CRYBG1: variants seen among roughly 807,000 people sequenced by gnomAD.
CRYBG1 encodes the protein beta/gamma crystallin domain-containing protein 1.
CRYBG1 carries 139 observed loss-of-function variants against 189.2 expected under a neutral mutation model. The observed-to-expected ratio is 0.73, with a 90% CI of 0.64 to 0.85. The LOEUF is 0.85. CRYBG1 is among the 40% of genes least tolerant of loss of function. The pLI is 0.00. For missense variants in CRYBG1, 2,611 were observed against 2,675.8 expected (o/e 0.98, Z 0.53); for synonymous variants, 1,023 against 1,017.1 (o/e 1.01, Z -0.11).
chr6:106,368,849 T>A (rs1017160858), intron 1 of CRYBG1, among the ~76,000 whole-genome samples: 3 of 152,118 alleles, frequency 2.0e-5, no homozygotes, highest in African/African-American at 7.2e-5. Context: ...CCATAATTAG[T>A]ACCTCACCTA....
chr6:106,458,313 C>T (rs1046741636), intron 2 of CRYBG1, among the ~76,000 whole-genome samples: 3 of 152,198 alleles, frequency 2.0e-5, no homozygotes, highest in African/African-American at 7.2e-5. Flanking sequence ...AGACTCTTTC[C>T]CATGCCTACA....
intron 1 of CRYBG1, among the ~76,000 whole-genome samples, chr6:106,434,152 AAGAGAGAG>A (rs35292541): frequency 6.7e-6 from 1 of 148,718 alleles, no homozygotes; most frequent in Admixed American, 6.7e-5. Flanking sequence ...ATCAGAGAGA[AAGAGAGAG>A]AGAGAGAGAG....
At chr6:106,505,062 G>A (rs1461710383) in intron 2 of CRYBG1, among the ~76,000 whole-genome samples, 1 of 150,594 alleles carries the variant, frequency 6.6e-6, no homozygotes, top group Non-Finnish European at 1.5e-5. Flanking sequence ...TGATCCTCCG[G>A]CACAGGACAA....
chr6:106,429,055 CT>C (rs1435616385), intron 1 of CRYBG1, among the ~76,000 whole-genome samples: 1 of 152,208 alleles, frequency 6.6e-6, no homozygotes, highest in African/African-American at 2.4e-5. Context: ...GTGTTTTAGA[CT>C]CCTTGAAATG....
intron 2 of CRYBG1, among the ~76,000 whole-genome samples, chr6:106,497,875 A>G (rs539146101): frequency 1.3e-5 from 2 of 152,266 alleles, no homozygotes; most frequent in East Asian, 3.9e-4. Flanking sequence ...CAGATTGCCT[A>G]AGCTCAGGAG....
At chr6:106,516,477 A>T (rs1327524571) in intron 3 of CRYBG1, among the ~76,000 whole-genome samples, 2 of 151,998 alleles carry the variant, frequency 1.3e-5, no homozygotes, top group Admixed American at 6.5e-5. Flanking sequence ...GAAGTGATCC[A>T]CCCGCTTTGG....
intron 1 of CRYBG1, among the ~76,000 whole-genome samples, chr6:106,445,831 G>T (rs1771653924): frequency 6.6e-6 from 1 of 152,184 alleles, no homozygotes; most frequent in Admixed American, 6.5e-5. Flanking sequence ...AGACAACACT[G>T]CTTCTGAAGG....
At chr6:106,367,358 G>A (rs1401113479) in intron 1 of CRYBG1, among the ~76,000 whole-genome samples, 1 of 151,522 alleles carries the variant, frequency 6.6e-6, no homozygotes, top group Non-Finnish European at 1.5e-5. Flanking sequence ...GGAGGCCAAA[G>A]TGGGCGGATC....
At chr6:106,424,240 C>G (rs899891884) in intron 1 of CRYBG1, among the ~76,000 whole-genome samples, 17 of 151,744 alleles carry the variant, frequency 1.1e-4, no homozygotes, top group Non-Finnish European at 2.2e-4. Context: ...ATTTTTTTCT[C>G]CTATTTGGCA....
chr6:106,541,756 T>C (rs562240558), intron 10 of CRYBG1, 135 bp downstream of exon 10: 5 of 689,918 alleles, frequency 7.2e-6, no homozygotes, highest in South Asian at 5.8e-5. Flanking sequence ...ATTAAACCTC[T>C]GTCACACATA....
At chr6:106,528,886 GTTT>G (rs1230520452) in intron 7 of CRYBG1, among the ~76,000 whole-genome samples, 1 of 150,546 alleles carries the variant, frequency 6.6e-6, no homozygotes, top group Non-Finnish European at 1.5e-5. Context: ...GTTGTTTCTA[GTTT>G]TTTACTATTA....
At chr6:106,515,256 T>C (rs1008734822) in intron 3 of CRYBG1, among the ~76,000 whole-genome samples, 2 of 152,264 alleles carry the variant, frequency 1.3e-5, no homozygotes, top group East Asian at 1.9e-4. Context: ...TGTCTCATAA[T>C]GAAGGCATTA....
At chr6:106,421,208 G>A (rs1046925524) in intron 1 of CRYBG1, among the ~76,000 whole-genome samples, 1 of 152,150 alleles carries the variant, frequency 6.6e-6, no homozygotes, top group Non-Finnish European at 1.5e-5. Flanking sequence ...TAAGATCCTG[G>A]ATTTAAGAGG....
intron 2 of CRYBG1, among the ~76,000 whole-genome samples, chr6:106,479,105 T>G (rs1454424266): frequency 6.6e-6 from 1 of 152,244 alleles, no homozygotes; most frequent in African/African-American, 2.4e-5. Flanking sequence ...CACCTTTTAT[T>G]CATTAGTTGA....
intron 3 of CRYBG1, among the ~76,000 whole-genome samples, chr6:106,513,818 C>T (rs576845059): frequency 6.6e-6 from 1 of 152,328 alleles, no homozygotes; most frequent in East Asian, 1.9e-4. Context: ...TTGGTTGCTT[C>T]TTCCTCCTTG....
intron 1 of CRYBG1, among the ~76,000 whole-genome samples, chr6:106,365,680 A>ATTTTTTTTTTTTTTTTTT (rs10714082): frequency 7.6e-6 from 1 of 132,352 alleles, no homozygotes; most frequent in Non-Finnish European, 1.7e-5. Context: ...AAGAACCTGT[A>ATTTTTTTTTTTTTTTTTT]TTTTTTTTTA....
chr6:106,538,872 G>A (rs1774063851), intron 8 of CRYBG1, among the ~76,000 whole-genome samples: 1 of 142,426 alleles, frequency 7.0e-6, no homozygotes, highest in African/African-American at 2.6e-5. Context: ...TCCAGCCTGG[G>A]TGACAGAACA....
intron 7 of CRYBG1, 50 bp downstream of exon 7, chr6:106,527,520 T>C: frequency 6.4e-7 from 1 of 1,552,010 alleles, no homozygotes. Flanking sequence ...TATTTATGGA[T>C]TCTTACTTTA....
intron 1 of CRYBG1, among the ~76,000 whole-genome samples, chr6:106,397,745 T>C (rs1369525822): frequency 6.6e-6 from 1 of 152,202 alleles, no homozygotes; most frequent in Non-Finnish European, 1.5e-5. Flanking sequence ...AATCTCTGCA[T>C]TTGGAATGTT....
Sources: gnomAD v4.1 joint callset for allele counts (sites outside exome capture counted in the v4.1 genomes callset) on GRCh38, gnomAD v4.1.1 for gene constraint, MANE v1.5 for transcripts, NCBI Gene and HGNC (gene_info 2026-07-23, HGNC 2026-07-21) for gene names.